The following MYO1D variants were observed in gnomAD, a reference collection of about 807,000 sequenced individuals.
The protein encoded by MYO1D is myosin ID.
A neutral mutation model predicts 122.0 loss-of-function variants in MYO1D; 83 were observed. That is an observed-to-expected ratio of 0.68 (90% CI 0.57 to 0.82). The LOEUF is 0.82. MYO1D is among the 40% of genes least tolerant of loss of function. The probability of loss-of-function intolerance (pLI) is 0.00; values close to 1 mark genes in which losing one functional copy is unlikely to be tolerated. For synonymous variants in MYO1D, 464 were observed against 446.9 expected, an observed-to-expected ratio of 1.04 and a Z score of -0.48; for missense variants, 1,157 against 1,269.5, an observed-to-expected ratio of 0.91 and a Z score of 1.35.
chr17:32,511,969 T>A (rs1909710254), intron 21 of MYO1D, among the ~76,000 whole-genome samples: 1 of 152,158 alleles, frequency 6.6e-6, no homozygotes, highest in Admixed American at 6.5e-5. Flanking sequence ...TGAAAGCACT[T>A]AGCACCTACA....
chr17:32,715,208 T>C (rs528971857), intron 15 of MYO1D, among the ~76,000 whole-genome samples: 10 of 152,300 alleles, frequency 6.6e-5, no homozygotes, highest in Middle Eastern at 3.4e-3. Context: ...TTTTATACTA[T>C]TGGTGGGAAT....
intron 13 of MYO1D, among the ~76,000 whole-genome samples, chr17:32,739,212 C>T (rs1182647559): frequency 2.0e-5 from 3 of 152,024 alleles, no homozygotes; most frequent in African/African-American, 7.2e-5. Context: ...CAGAAAAAAA[C>T]TTTTCTTAAA....
intron 1 of MYO1D, among the ~76,000 whole-genome samples, chr17:32,807,518 G>A (rs1029820090): frequency 7.2e-5 from 11 of 152,110 alleles, no homozygotes; most frequent in African/African-American, 2.7e-4. Context: ...GGTAACATTA[G>A]CAGTAAATAG....
chr17:32,547,629 C>A (rs2086975326), intron 21 of MYO1D, among the ~76,000 whole-genome samples: 1 of 152,182 alleles, frequency 6.6e-6, no homozygotes, highest in Admixed American at 6.6e-5. Context: ...CTGATCTCAG[C>A]CTGAGTATTT....
intron 7 of MYO1D, among the ~76,000 whole-genome samples, chr17:32,765,867 A>G (rs115480625): frequency 4.1e-4 from 62 of 152,014 alleles, no homozygotes; most frequent in African/African-American, 1.3e-3. Flanking sequence ...GACTTATTGA[A>G]CAGTCTAGCT....
Position 32,659,143 on chromosome 17 carries a change from C to G in MYO1D, c.2317G>C (p.Glu773Gln), listed in dbSNP as rs563094839. ...PSPPKVLRRF[E>Q]EALQTIFNRW... ...TTGAAAATCGTCTGCAGGGCCTCCT[C>G]AAAACGGCGAAGAACTTTAGGAGGG... is the stretch of plus-strand genomic sequence containing the variant. The change falls in exon 17 of 22, where the codon GAG becomes CAG. Residue 773 changes from glutamate to glutamine, a missense_variant. Transcript: ENST00000318217. 1.9e-6 allele frequency: 3 copies of G among 1,614,158 alleles called. No individual in the cohort carries two copies. The African/African-American group carries it at 4.0e-5, about 22-fold the overall frequency.
chr17:32,815,029 A>AGT (rs2090601974), intron 1 of MYO1D, among the ~76,000 whole-genome samples: 1 of 152,224 alleles, frequency 6.6e-6, no homozygotes, highest in African/African-American at 2.4e-5. Flanking sequence ...TCCACCAATG[A>AGT]GTACTCTGTC....
chr17:32,633,366 T>C (rs561038619), intron 20 of MYO1D, among the ~76,000 whole-genome samples: 1 of 152,234 alleles, frequency 6.6e-6, no homozygotes, highest in African/African-American at 2.4e-5. Flanking sequence ...CAAAGGAGTA[T>C]ATACCTATAG....
chr17:32,875,250 G>A (rs2091218233), intron 1 of MYO1D, among the ~76,000 whole-genome samples: 1 of 152,154 alleles, frequency 6.6e-6, no homozygotes, highest in African/African-American at 2.4e-5. Context: ...TGGGGGAGAG[G>A]AGTAGAATCT....
At chr17:32,821,272 TG>T (rs960480315) in intron 1 of MYO1D, among the ~76,000 whole-genome samples, 4 of 152,118 alleles carry the variant, frequency 2.6e-5, no homozygotes, top group African/African-American at 9.7e-5. Flanking sequence ...TCCATTAAGC[TG>T]GGGGGAAAAT....
At chr17:32,731,186 C>CA (rs1259648573) in intron 14 of MYO1D, among the ~76,000 whole-genome samples, 1 of 152,198 alleles carries the variant, frequency 6.6e-6, no homozygotes, top group Non-Finnish European at 1.5e-5. Flanking sequence ...GGATTACAGG[C>CA]ATGAGCCACC....
chr17:32,654,684 CTTTT>C, intron 17 of MYO1D, 63 bp from the exon 18 acceptor site: 2 of 1,085,132 alleles, frequency 1.8e-6, no homozygotes, highest in Non-Finnish European at 2.5e-6. Flanking sequence ...TTCTCTCTCT[CTTTT>C]TTTTTTTCTT....
At chr17:32,751,610 T>A (rs558218377) in intron 11 of MYO1D, among the ~76,000 whole-genome samples, 1 of 152,160 alleles carries the variant, frequency 6.6e-6, no homozygotes, top group Non-Finnish European at 1.5e-5. Flanking sequence ...TAAGCATTTC[T>A]ATACACGACT....
intron 1 of MYO1D, among the ~76,000 whole-genome samples, chr17:32,815,425 C>G (rs932024268): frequency 2.0e-5 from 3 of 152,074 alleles, no homozygotes; most frequent in Non-Finnish European, 4.4e-5. Flanking sequence ...ACTTGTGGCT[C>G]AAGAATTGTG....
At chr17:32,709,236 A>C (rs1409027948) in intron 16 of MYO1D, among the ~76,000 whole-genome samples, 1 of 152,198 alleles carries the variant, frequency 6.6e-6, no homozygotes, top group Non-Finnish European at 1.5e-5. Flanking sequence ...ATTAATAGTC[A>C]CAACAGGCAA....
chr17:32,843,389 GA>G (rs2090903137), intron 1 of MYO1D, among the ~76,000 whole-genome samples: 1 of 152,036 alleles, frequency 6.6e-6, no homozygotes, highest in Non-Finnish European at 1.5e-5. Context: ...GACGACTAAG[GA>G]AAAAATAGAG....
chr17:32,863,883 T>A (rs1477499279), intron 1 of MYO1D, among the ~76,000 whole-genome samples: 2 of 152,174 alleles, frequency 1.3e-5, no homozygotes, highest in Admixed American at 6.5e-5. Flanking sequence ...GTAGATTTTT[T>A]AAGTTTTACT....
At chr17:32,665,162 C>T (rs1415009523) in intron 16 of MYO1D, among the ~76,000 whole-genome samples, 1 of 152,162 alleles carries the variant, frequency 6.6e-6, no homozygotes, top group African/African-American at 2.4e-5. Context: ...GGGAGGCCAG[C>T]CCTGGCCTTC....
intron 21 of MYO1D, among the ~76,000 whole-genome samples, chr17:32,533,895 A>C (rs541611821): frequency 5.9e-5 from 9 of 152,362 alleles, no homozygotes; most frequent in African/African-American, 2.2e-4. Context: ...AAAAATGGGA[A>C]ATTATCAAAA....
Sources: allele counts gnomAD v4.1 joint callset (sites outside exome capture counted in the v4.1 genomes callset), GRCh38; gene constraint gnomAD v4.1.1; transcripts MANE v1.5; gene names NCBI Gene and HGNC (gene_info 2026-07-23, HGNC 2026-07-21).